KCTD16: variants seen among roughly 807,000 people sequenced by gnomAD.
The protein encoded by KCTD16 is BTB/POZ domain-containing protein KCTD16.
In KCTD16, 13 loss-of-function variants were observed where a neutral mutation model predicts 33.2. The ratio of observed to expected loss-of-function variants is 0.39; its 90% CI spans 0.25 to 0.62. The LOEUF is 0.62. Ranked by LOEUF, KCTD16 falls within the 20% of genes least tolerant of loss-of-function variation. The pLI, the probability that KCTD16 is intolerant of heterozygous loss-of-function variation, is 0.50. For synonymous variants in KCTD16, 197 were observed against 195.3 expected (o/e 1.01, Z -0.07); for missense variants, 441 against 525.1 (o/e 0.84, Z 1.57).
At chr5:144,459,824 C>CTTTTTT (rs70995051) in intron 3 of KCTD16, among the ~76,000 whole-genome samples, 225 of 66,762 alleles carry the variant, frequency 3.4e-3, no homozygotes, top group Non-Finnish European at 3.9e-3. Context: ...CCAATATCAT[C>CTTTTTT]TTTTTTTTTT....
At chr5:144,328,669 A>G (rs939803502) in intron 3 of KCTD16, among the ~76,000 whole-genome samples, 2 of 152,024 alleles carry the variant, frequency 1.3e-5, no homozygotes, top group African/African-American at 4.8e-5. Flanking sequence ...TCTAGCCTGA[A>G]CATCAAGGCC....
At chr5:144,214,324 C>A (rs1165491084) in intron 3 of KCTD16, among the ~76,000 whole-genome samples, 6 of 152,108 alleles carry the variant, frequency 3.9e-5, no homozygotes, top group African/African-American at 1.2e-4. Context: ...TGTTCTCCCC[C>A]TCCCGCATCC....
At position 144,207,345 on chromosome 5, in the gene KCTD16, G is replaced by A. The variant is rs1163729468; in HGVS notation, c.631G>A (p.Glu211Lys). The A allele has an allele frequency of 1.2e-6, 2 of 1,614,084 alleles. No homozygotes were observed. Among genetic ancestry groups the A allele is most frequent in the Non-Finnish European group, 1.7e-6 (2 of 1,180,046 alleles). Residue 211 changes from glutamate (E) to lysine (K), a missense_variant, in exon 3 of 4, where the codon GAA becomes AAA. Around this residue, in one of 3 missense-constraint regions of KCTD16, gnomAD observed 355 missense variants for 413.0 expected, o/e 0.86. Transcript: ENST00000512467. ...AKEVFGETLN[E>K]SRDPDRAPER... ...AGAAGTCTTTGGAGAAACTTTGAAT[G>A]AAAGCAGAGACCCTGATCGAGCCCC...
Position 144,225,552 on chromosome 5 carries a change from T to TTGTGTGTGTG in KCTD16, c.832+18042_832+18051dup, listed in dbSNP as rs10550980. Among the ~76,000 whole-genome samples, 412 of 138,312 alleles carry TTGTGTGTGTG rather than the reference T, an allele frequency of 3.0e-3. 1 individual carries two copies. The highest frequency in any genetic ancestry group is 7.3e-3 in the African/African-American group (277 of 37,946). 90.7% of individuals were successfully genotyped at this position (138,312 alleles called of 152,430 possible). A position where few individuals can be genotyped will look rare whatever the true frequency, so the allele number is the denominator to read the frequency against. ...CACCACATACCTAAGCAAAAATAAA[T>TTGTGTGTGTG]TGTGTGTGTGTGTGTGTGTGTGTGT... On this transcript the variant is annotated intron_variant, in intron 3 of 3. Coordinates refer to ENST00000512467, the MANE Select transcript of KCTD16 (RefSeq NM_020768.4).
chr5:144,275,454 C>G (rs1279205565), intron 3 of KCTD16, among the ~76,000 whole-genome samples: 3 of 152,184 alleles, frequency 2.0e-5, no homozygotes, highest in African/African-American at 7.2e-5. Context: ...TTCTGCAATG[C>G]TGCCTTGCCC....
chr5:144,334,299 A>G (rs1752426393), intron 3 of KCTD16, among the ~76,000 whole-genome samples: 3 of 152,150 alleles, frequency 2.0e-5, no homozygotes, highest in African/African-American at 7.2e-5. Flanking sequence ...GGGTAGATAT[A>G]TTAGTTCTTG....
chr5:144,385,512 T>C (rs1031746506), intron 3 of KCTD16, among the ~76,000 whole-genome samples: 1 of 152,216 alleles, frequency 6.6e-6, no homozygotes, highest in Admixed American at 6.5e-5. Flanking sequence ...ACCATATTTC[T>C]TTTTCACATG....
intron 3 of KCTD16, among the ~76,000 whole-genome samples, chr5:144,227,238 A>G (rs1338661744): frequency 6.6e-6 from 1 of 152,224 alleles, no homozygotes; most frequent in Non-Finnish European, 1.5e-5. Context: ...GAAGACAGGC[A>G]TGTCTTCACT....
chr5:144,245,425 G>A (rs1040382971), intron 3 of KCTD16, among the ~76,000 whole-genome samples: 1 of 152,182 alleles, frequency 6.6e-6, no homozygotes, highest in African/African-American at 2.4e-5. Flanking sequence ...GACACATGGA[G>A]GAAATAAGAG....
rs186469745 is a variant in KCTD16 at position 144,249,636 on chromosome 5, G to A, written c.832+42090G>A. 1.2e-4 allele frequency among the ~76,000 whole-genome samples: 18 copies of A among 152,172 alleles called. No homozygotes were observed. In the East Asian group the frequency reaches 3.1e-3, roughly 26 times the overall value. On this transcript the variant is annotated intron_variant, in intron 3 of 3. Coordinates refer to ENST00000512467, the MANE Select transcript of KCTD16 (RefSeq NM_020768.4). ...TTATGTTGGCTACAATTTTGCCTCCGTTGCTTAATTAATGCATTTTATGTT... is the reference window on the plus strand; with the variant it reads ...TTATGTTGGCTACAATTTTGCCTCCATTGCTTAATTAATGCATTTTATGTT...
intron 3 of KCTD16, among the ~76,000 whole-genome samples, chr5:144,327,681 A>C (rs1410453358): frequency 1.3e-5 from 2 of 152,168 alleles, no homozygotes. Flanking sequence ...AATGACCCAC[A>C]AAAAATCATA....
intron 3 of KCTD16, among the ~76,000 whole-genome samples, chr5:144,366,998 A>G (rs1055325706): frequency 2.0e-5 from 3 of 152,146 alleles, no homozygotes; most frequent in Non-Finnish European, 4.4e-5. Flanking sequence ...AGGCAGGGCT[A>G]TTAGAGGAGG....
At chr5:144,388,148 C>T (rs1752370934) in intron 3 of KCTD16, among the ~76,000 whole-genome samples, 2 of 123,770 alleles carry the variant, frequency 1.6e-5, no homozygotes, top group Admixed American at 1.1e-4. Context: ...GGCGGGATAT[C>T]GGCTCACTGC....
At chr5:144,322,218 AG>A (rs1460389200) in intron 3 of KCTD16, among the ~76,000 whole-genome samples, 1 of 152,152 alleles carries the variant, frequency 6.6e-6, no homozygotes, top group African/African-American at 2.4e-5. Context: ...TAGGCAGAAG[AG>A]AATGTCGTGG....
intron 3 of KCTD16, among the ~76,000 whole-genome samples, chr5:144,387,835 C>T (rs1752358798): frequency 6.6e-6 from 1 of 152,086 alleles, no homozygotes; most frequent in Non-Finnish European, 1.5e-5. Context: ...TTAGCAACAA[C>T]CCTATCATTG....
intron 3 of KCTD16, among the ~76,000 whole-genome samples, chr5:144,260,691 C>A (rs942556946): frequency 1.3e-5 from 2 of 152,038 alleles, no homozygotes; most frequent in Non-Finnish European, 2.9e-5. Context: ...TGGGCAGAAT[C>A]GCAAGTGTAT....
At chr5:144,350,698 G>A (rs963922901) in intron 3 of KCTD16, among the ~76,000 whole-genome samples, 6 of 151,808 alleles carry the variant, frequency 4.0e-5, no homozygotes, top group South Asian at 4.2e-4. Context: ...ACTTTTTTTC[G>A]CAGCATCAGG....
chr5:144,233,455 C>T (rs1474858681), intron 3 of KCTD16, among the ~76,000 whole-genome samples: 1 of 152,004 alleles, frequency 6.6e-6, no homozygotes, highest in African/African-American at 2.4e-5. Flanking sequence ...GAGCTTTCTT[C>T]CTATGCCTGG....
At chr5:144,400,173 G>A (rs1440776959) in intron 3 of KCTD16, among the ~76,000 whole-genome samples, 1 of 152,202 alleles carries the variant, frequency 6.6e-6, no homozygotes, top group Non-Finnish European at 1.5e-5. Context: ...AGTTCTTGTG[G>A]GGATAGGTGC....
Sources: allele counts gnomAD v4.1 joint callset (sites outside exome capture counted in the v4.1 genomes callset), GRCh38; gene constraint gnomAD v4.1.1; regional missense constraint gnomAD v4.1.1; transcripts MANE v1.5; gene names NCBI Gene and HGNC (gene_info 2026-07-23, HGNC 2026-07-21).